PHF21B: variants seen among roughly 807,000 people sequenced by gnomAD.
PHF21B encodes the protein PHD finger protein 21B.
Under a neutral mutation model 62.2 loss-of-function variants are expected in PHF21B, and 22 were observed. The observed-to-expected ratio is 0.35, with a 90% CI of 0.25 to 0.51. PHF21B has a LOEUF of 0.51. Ranked by LOEUF, PHF21B falls within the 20% of genes least tolerant of loss-of-function variation. PHF21B has a pLI of 0.97. For missense variants in PHF21B, 701 were observed against 707.9 expected (o/e 0.99, Z 0.11); for synonymous variants, 341 against 314.7 (o/e 1.08, Z -0.88).
chr22:44,999,959 G>A (rs746121681), intron 2 of PHF21B, among the ~76,000 whole-genome samples: 1 of 152,126 alleles, frequency 6.6e-6, no homozygotes, highest in East Asian at 1.9e-4. Flanking sequence ...TAATCCTGCG[G>A]CCTCTCGAAG....
intron 2 of PHF21B, among the ~76,000 whole-genome samples, chr22:44,962,158 C>T (rs756746018): frequency 3.9e-5 from 6 of 152,130 alleles, no homozygotes; most frequent in Non-Finnish European, 8.8e-5. Context: ...CGAATGATAG[C>T]TCTGTTTTAA....
intron 2 of PHF21B, among the ~76,000 whole-genome samples, chr22:44,920,728 A>G (rs964839352): frequency 2.6e-5 from 4 of 152,378 alleles, no homozygotes; most frequent in East Asian, 1.9e-4. Flanking sequence ...TTTGTTACAC[A>G]TTGGCTTCCT....
chr22:44,911,106 G>C (rs1467548450), intron 5 of PHF21B, among the ~76,000 whole-genome samples: 3 of 152,190 alleles, frequency 2.0e-5, no homozygotes, highest in South Asian at 2.1e-4. Context: ...CTTTGAACTT[G>C]AGAGAGATGA....
intron 6 of PHF21B, 51 bp from the exon 7 acceptor site, chr22:44,893,584 CCCAAATGCTTCCTTG>C (rs1167920777): frequency 6.5e-7 from 1 of 1,534,292 alleles, no homozygotes; most frequent in Non-Finnish European, 8.8e-7. Context: ...CCCTGGGAAC[CCCAAATGCTTCCTTG>C]CCAAGCCCTG....
chr22:44,914,263 C>T (rs866196697), intron 4 of PHF21B, among the ~76,000 whole-genome samples, 175 bp from the exon 5 acceptor site: 53 of 152,216 alleles, frequency 3.5e-4, no homozygotes, highest in African/African-American at 1.3e-3. Flanking sequence ...TAGCACCTGC[C>T]CCTCCTGACA....
chr22:44,999,366 G>A (rs891679945), intron 2 of PHF21B, among the ~76,000 whole-genome samples: 4 of 152,130 alleles, frequency 2.6e-5, no homozygotes, highest in Admixed American at 6.5e-5. Context: ...CCCCAGCTGC[G>A]AAGGGCTTGG....
intron 3 of PHF21B, among the ~76,000 whole-genome samples, chr22:44,918,835 T>C (rs1257169134): frequency 1.3e-5 from 2 of 152,210 alleles, no homozygotes; most frequent in Non-Finnish European, 2.9e-5. Flanking sequence ...CTGGCCTTGA[T>C]TGGCAGCCTC....
intron 2 of PHF21B, among the ~76,000 whole-genome samples, chr22:44,944,712 C>T (rs1044091147): frequency 2.6e-5 from 4 of 152,144 alleles, no homozygotes; most frequent in African/African-American, 7.2e-5. Context: ...ATGTCTGATT[C>T]GAGAACATCC....
At chr22:44,982,794 G>C (rs1224900699) in intron 2 of PHF21B, among the ~76,000 whole-genome samples, 2 of 152,206 alleles carry the variant, frequency 1.3e-5, no homozygotes, top group African/African-American at 4.8e-5. Context: ...TTAGGGGTGA[G>C]TGTGTATTAC....
intron 2 of PHF21B, among the ~76,000 whole-genome samples, chr22:44,926,004 C>T (rs990965502): frequency 1.8e-4 from 12 of 66,414 alleles, no homozygotes; most frequent in African/African-American, 3.5e-4. Flanking sequence ...CAACTGGGGC[C>T]GCAGGCCGAG....
At chr22:44,885,772 C>T in intron 11 of PHF21B, 91 bp downstream of exon 11, 1 of 1,343,470 alleles carries the variant, frequency 7.4e-7, no homozygotes, top group Non-Finnish European at 1.0e-6. Flanking sequence ...ATGGACCCAC[C>T]TGTCCTCCCA....
chr22:44,966,795 G>A (rs982628280), intron 2 of PHF21B, among the ~76,000 whole-genome samples: 2 of 152,238 alleles, frequency 1.3e-5, no homozygotes, highest in African/African-American at 4.8e-5. Context: ...TCCAGTCCAA[G>A]ATGGAAAAGG....
chr22:44,956,351 T>C (rs2072296841), intron 2 of PHF21B, among the ~76,000 whole-genome samples: 1 of 152,198 alleles, frequency 6.6e-6, no homozygotes, highest in African/African-American at 2.4e-5. Flanking sequence ...CAGTACTTTC[T>C]TACCCTGACG....
intron 2 of PHF21B, among the ~76,000 whole-genome samples, chr22:44,980,077 A>C (rs1166645281): frequency 2.0e-5 from 3 of 147,518 alleles, no homozygotes; most frequent in Non-Finnish European, 3.0e-5. Flanking sequence ...TCAAAAAAAA[A>C]AAAAAAAAAA....
intron 5 of PHF21B, among the ~76,000 whole-genome samples, chr22:44,897,642 CT>C (rs1468400623): frequency 6.6e-6 from 1 of 152,078 alleles, no homozygotes; most frequent in Non-Finnish European, 1.5e-5. Context: ...CCCCCTTTAT[CT>C]TTTATTTATG....
intron 7 of PHF21B, among the ~76,000 whole-genome samples, chr22:44,891,892 A>C (rs1032198199): frequency 3.3e-5 from 5 of 152,150 alleles, no homozygotes; most frequent in Admixed American, 3.3e-4. Context: ...TTGGTGGTTC[A>C]AAGTGGCTTT....
rs140954653 is a variant in PHF21B at position 44,953,773 on chromosome 22, A to G, written c.121-33283T>C. Among the ~76,000 whole-genome samples the G allele has an allele frequency of 1.6e-3, 249 of 152,346 alleles. 1 individual carries two copies. The highest frequency in any genetic ancestry group is 2.3e-3 in the Non-Finnish European group (159 of 68,036). ...AAGCAAGCATGGCTTATAAAATAAT[A>G]CCTAACATCTTATGGATTTTTAGGC... On this transcript the variant is annotated intron_variant, in intron 2 of 12. Transcript: ENST00000313237.
intron 9 of PHF21B, among the ~76,000 whole-genome samples, chr22:44,888,636 T>C (rs2070903738): frequency 6.6e-6 from 1 of 152,286 alleles, no homozygotes; most frequent in South Asian, 2.1e-4. Flanking sequence ...CTGTTCACCA[T>C]CCACGTGTCA....
chr22:44,986,870 G>C (rs981039148), intron 2 of PHF21B, among the ~76,000 whole-genome samples: 20 of 151,860 alleles, frequency 1.3e-4, no homozygotes, highest in African/African-American at 4.8e-4. Context: ...GTGGGGGGAA[G>C]GCAGGTACAG....
Sources: gnomAD v4.1 joint callset for allele counts (sites outside exome capture counted in the v4.1 genomes callset) on GRCh38, gnomAD v4.1.1 for gene constraint, MANE v1.5 for transcripts, NCBI Gene and HGNC (gene_info 2026-07-23, HGNC 2026-07-21) for gene names.